The following SAE1 variants were observed in gnomAD, a reference collection of about 807,000 sequenced individuals.
The protein encoded by SAE1 is SUMO-activating enzyme subunit 1.
SAE1 carries 11 observed loss-of-function variants against 40.6 expected under a neutral mutation model. The ratio of observed to expected loss-of-function variants is 0.27; its 90% confidence interval spans 0.17 to 0.45. The LOEUF (loss-of-function observed/expected upper bound fraction) is 0.45. Among genes scored for constraint, SAE1 ranks in the 20% least tolerant of loss-of-function variants. The pLI, the probability that SAE1 is intolerant of heterozygous loss-of-function variation, is 1.00. For missense variants in SAE1, 373 were observed against 427.3 expected, an observed-to-expected ratio of 0.87 and a Z score of 1.12; for synonymous variants, 155 against 154.3, an observed-to-expected ratio of 1.00 and a Z score of -0.03.
At chr19:47,208,681 TC>T (rs2058697959) in intron 8 of SAE1, among the ~76,000 whole-genome samples, 1 of 152,186 alleles carries the variant, frequency 6.6e-6, no homozygotes, top group South Asian at 2.1e-4. Flanking sequence ...CACTTCAGCC[TC>T]CCAGAGTGCT....
At chr19:47,189,247 C>T (rs927261000) in intron 6 of SAE1, among the ~76,000 whole-genome samples, 2 of 152,088 alleles carry the variant, frequency 1.3e-5, no homozygotes, top group East Asian at 1.9e-4. Context: ...CCAGAGATAG[C>T]GACTCTCCAT....
chr19:47,138,331 A>G (rs557331594), intron 1 of SAE1, among the ~76,000 whole-genome samples: 1 of 152,348 alleles, frequency 6.6e-6, no homozygotes, highest in African/African-American at 2.4e-5. Context: ...GGCATGAGCC[A>G]CTGCGCCTGG....
chr19:47,169,931 C>T lies in SAE1; in HGVS notation c.733+8C>T. 6.2e-7 allele frequency: 1 copy of T among 1,604,714 alleles called. No individual in the cohort carries two copies. Among genetic ancestry groups the T allele is most frequent in the South Asian group, 1.1e-5 (1 of 90,896 alleles). On this transcript the variant is annotated splice_region_variant and intron_variant, in intron 6 of 8. Transcript: ENST00000270225. ...ACTACTTTCTCCTTCAAGGTGAGGT[C>T]TCAAAGCACAACTTACCCCGGGAGA...
At chr19:47,191,243 A>T (rs374428) in intron 6 of SAE1, among the ~76,000 whole-genome samples, 1 of 152,184 alleles carries the variant, frequency 6.6e-6, no homozygotes, top group Admixed American at 6.5e-5. Context: ...AAGCCCCGTC[A>T]CTAGTAAAAA....
At chr19:47,131,052 C>A in intron 1 of SAE1, 24 bp downstream of exon 1, 1 of 1,515,116 alleles carries the variant, frequency 6.6e-7, no homozygotes, top group Non-Finnish European at 8.8e-7. Flanking sequence ...CGGCTTGAGG[C>A]CGCTAGGGTC....
At chr19:47,168,663 C>T (rs1315726477) in intron 5 of SAE1, among the ~76,000 whole-genome samples, 5 of 151,924 alleles carry the variant, frequency 3.3e-5, no homozygotes, top group Non-Finnish European at 5.9e-5. Flanking sequence ...AGTGCAATGG[C>T]GCGATCTCAG....
At chr19:47,200,947 TC>T (rs2058650164) in intron 7 of SAE1, among the ~76,000 whole-genome samples, 1 of 152,066 alleles carries the variant, frequency 6.6e-6, no homozygotes, top group Non-Finnish European at 1.5e-5. Flanking sequence ...AACCTCCACC[TC>T]CCGGGTTCAA....
rs869046931 is a variant in SAE1, at chr19:47,193,057, C to CTTTTT, written c.734-4163_734-4159dup. The stretch of plus-strand genomic sequence containing the variant: ...TCCAGATCGTCTAGATGGTCACAGC[C>CTTTTT]TTTTTTTTTTTTTTTTTGGAGACAG... On this transcript the variant is annotated intron_variant, in intron 6 of 8. Coordinates refer to ENST00000270225, the MANE Select transcript of SAE1 (RefSeq NM_005500.3). Among the ~76,000 whole-genome samples the CTTTTT allele has an allele frequency of 3.0e-3, 405 of 137,010 alleles. 4 individuals are homozygous for CTTTTT. The highest frequency in any genetic ancestry group is 0.01 in the African/African-American group (388 of 37,084). 89.9% of individuals were successfully genotyped at this position (137,010 alleles called of 152,430 possible). A position where few individuals can be genotyped will look rare whatever the true frequency, so the allele number is the denominator to read the frequency against.
intron 7 of SAE1, among the ~76,000 whole-genome samples, chr19:47,201,002 C>T (rs1305140751): frequency 6.6e-6 from 1 of 151,930 alleles, no homozygotes; most frequent in African/African-American, 2.4e-5. Flanking sequence ...GGATTACGGG[C>T]ATACGCCACC....
At chr19:47,155,514 G>A (rs2058316978) in intron 5 of SAE1, among the ~76,000 whole-genome samples, 1 of 152,102 alleles carries the variant, frequency 6.6e-6, no homozygotes, top group African/African-American at 2.4e-5. Flanking sequence ...AGGCTGGAGT[G>A]CAATGGCATG....
chr19:47,197,347 G>A lies in SAE1; in HGVS notation c.848G>A (p.Ser283Asn), dbSNP rs1258282582. Residue 283 changes from serine (S) to asparagine (N), a missense_variant, in exon 7 of 9, where the codon AGT becomes AAT. Ser to Asn is a conservative substitution (Grantham distance 46). This residue lies in a region of SAE1 where 351 missense variants were observed against 390.6 expected (regional missense o/e 0.90). Transcript: ENST00000270225. The stretch of plus-strand genomic sequence containing the variant: ...GATGTGCTTGACTCACTGGGTATTA[G>A]TCCTGACCTGCTTCCTGAGGACTTT... ...RNDVLDSLGISPDLLPEDFVR... is the reference protein window; with the variant it reads ...RNDVLDSLGINPDLLPEDFVR... 6.2e-7 allele frequency: 1 copy of A among 1,613,780 alleles called. No individual in the cohort carries two copies. Among genetic ancestry groups the A allele is most frequent in the Non-Finnish European group, 8.5e-7 (1 of 1,179,880 alleles).
At chr19:47,151,728 T>C (rs2058289804) in intron 3 of SAE1, among the ~76,000 whole-genome samples, 1 of 152,234 alleles carries the variant, frequency 6.6e-6, no homozygotes, top group Non-Finnish European at 1.5e-5. Context: ...TGGGACACTT[T>C]CCATTTGGAC....
intron 7 of SAE1, among the ~76,000 whole-genome samples, 173 bp downstream of exon 7, chr19:47,197,550 AAG>A (rs1242872155): frequency 1.3e-5 from 2 of 152,190 alleles, no homozygotes; most frequent in South Asian, 4.1e-4. Flanking sequence ...ATAAAAAATA[AAG>A]AGGGGACAGA....
intron 1 of SAE1, among the ~76,000 whole-genome samples, chr19:47,134,487 G>A (rs1411867630): frequency 2.0e-5 from 3 of 152,078 alleles, no homozygotes; most frequent in Non-Finnish European, 4.4e-5. Context: ...TAAGTGATGA[G>A]AATGTGCCTC....
chr19:47,131,697 C>CTTTTTTT (rs554165710), intron 1 of SAE1, among the ~76,000 whole-genome samples: 5 of 84,144 alleles, frequency 5.9e-5, no homozygotes, highest in East Asian at 4.3e-4. Flanking sequence ...TTAGGGAATT[C>CTTTTTTT]TTTTTTTTTT....
At chr19:47,168,063 T>C (rs1434066275) in intron 5 of SAE1, among the ~76,000 whole-genome samples, 1 of 152,026 alleles carries the variant, frequency 6.6e-6, no homozygotes, top group Non-Finnish European at 1.5e-5. Flanking sequence ...CGTGGTGGCA[T>C]GCATCTGTAA....
At chr19:47,201,019 A>C (rs1392228849) in intron 7 of SAE1, among the ~76,000 whole-genome samples, 1 of 151,346 alleles carries the variant, frequency 6.6e-6, no homozygotes, top group East Asian at 1.9e-4. Flanking sequence ...CACCATGCCC[A>C]GCTATTTTTT....
At chr19:47,168,051 G>T (rs1002126401) in intron 5 of SAE1, among the ~76,000 whole-genome samples, 4 of 152,066 alleles carry the variant, frequency 2.6e-5, no homozygotes, top group Non-Finnish European at 4.4e-5. Context: ...AAATTAGCTG[G>T]GCGTGGTGGC....
intron 6 of SAE1, among the ~76,000 whole-genome samples, chr19:47,181,042 C>T (rs981649429): frequency 6.6e-6 from 1 of 152,060 alleles, no homozygotes; most frequent in Non-Finnish European, 1.5e-5. Context: ...GAGGCCCCGG[C>T]GTGGTGGCTC....
Sources: allele counts gnomAD v4.1 joint callset (sites outside exome capture counted in the v4.1 genomes callset), GRCh38; gene constraint gnomAD v4.1.1; regional missense constraint gnomAD v4.1.1; transcripts MANE v1.5; gene names NCBI Gene and HGNC (gene_info 2026-07-23, HGNC 2026-07-21).